The following RALGPS1 variants were observed in gnomAD, a reference collection of about 807,000 sequenced individuals.
RALGPS1 encodes the protein Ral GEF with PH domain and SH3 binding motif 1, also known as ras-specific guanine nucleotide-releasing factor RalGPS1.
RALGPS1 carries 19 observed loss-of-function variants against 78.8 expected under a neutral mutation model. The observed-to-expected ratio is 0.24, with a 90% CI of 0.17 to 0.35. The LOEUF (loss-of-function observed/expected upper bound fraction) is 0.35, where lower values mean the gene tolerates loss of function less well. Ranked by LOEUF, RALGPS1 falls within the 10% of genes least tolerant of loss-of-function variation. The pLI is 1.00. For missense variants in RALGPS1, 454 were observed against 688.3 expected, an observed-to-expected ratio of 0.66 and a Z score of 3.81; for synonymous variants, 228 against 256.3, an observed-to-expected ratio of 0.89 and a Z score of 1.06.
chr9:127,120,461 C>T (rs1335105544), intron 8 of RALGPS1, among the ~76,000 whole-genome samples: 2 of 152,184 alleles, frequency 1.3e-5, no homozygotes, highest in South Asian at 2.1e-4. Flanking sequence ...TGATAGTAGC[C>T]ACAGTATTAT....
intron 4 of RALGPS1, among the ~76,000 whole-genome samples, chr9:127,027,703 A>G (rs1589101009): frequency 6.6e-6 from 1 of 152,176 alleles, no homozygotes; most frequent in Non-Finnish European, 1.5e-5. Flanking sequence ...TTTACTGCCT[A>G]AAAGAACCAA....
intron 5 of RALGPS1, among the ~76,000 whole-genome samples, chr9:127,047,154 T>C (rs1457195123): frequency 6.6e-6 from 1 of 152,134 alleles, no homozygotes; most frequent in Non-Finnish European, 1.5e-5. Context: ...TTTACATGAA[T>C]TTATCTGAGG....
At chr9:127,097,460 C>G (rs563678668) in intron 8 of RALGPS1, among the ~76,000 whole-genome samples, 2 of 152,364 alleles carry the variant, frequency 1.3e-5, no homozygotes, top group Admixed American at 1.3e-4. Flanking sequence ...AACACAATTT[C>G]CCTTAGAACC....
At chr9:126,917,932 C>T (rs2034342812) in intron 1 of RALGPS1, among the ~76,000 whole-genome samples, 1 of 152,178 alleles carries the variant, frequency 6.6e-6, no homozygotes, top group African/African-American at 2.4e-5. Context: ...ATCTTTTCTT[C>T]AAAGGCAGGA....
chr9:126,918,257 T>A lies in RALGPS1; in HGVS notation c.-66+3282T>A, dbSNP rs74445268. ...TTCATTCAATTTTTGTTCGTAAACA[T>A]ACATAATTCTTCATGGTTGCAATCG... On this transcript the variant is annotated intron_variant, in intron 1 of 18. Coordinates refer to ENST00000259351, the MANE Select transcript of RALGPS1 (RefSeq NM_014636.3). Among the ~76,000 whole-genome samples, 1,224 of 152,358 alleles carry A rather than the reference T, an allele frequency of 8.0e-3. 24 individuals are homozygous for A. Among genetic ancestry groups the A allele is most frequent in the African/African-American group, 0.028 (1,157 of 41,576 alleles).
intron 8 of RALGPS1, chr9:127,093,706 GCA>G (rs2052760146): frequency 1.2e-6 from 2 of 1,611,838 alleles, no homozygotes; most frequent in South Asian, 2.2e-5. Context: ...CTTGTGGGCA[GCA>G]CAGACATCCC....
intron 1 of RALGPS1, among the ~76,000 whole-genome samples, chr9:126,940,730 G>T (rs779603362): frequency 1.5e-4 from 23 of 152,128 alleles, no homozygotes; most frequent in Non-Finnish European, 2.2e-4. Flanking sequence ...AGTGCATCTT[G>T]TCTCTTGCTT....
intron 7 of RALGPS1, among the ~76,000 whole-genome samples, chr9:127,059,188 GA>G (rs2135564627): frequency 6.6e-6 from 1 of 152,294 alleles, no homozygotes; most frequent in South Asian, 2.1e-4. Flanking sequence ...TGCCCCCTTT[GA>G]CTGATGCAGT....
rs143268459 is a variant in RALGPS1 at position 127,091,407 on chromosome 9, G to C, written c.610+22051G>C. On this transcript the variant is annotated intron_variant, in intron 8 of 18. Coordinates refer to ENST00000259351, the MANE Select transcript of RALGPS1 (RefSeq NM_014636.3). This position sits in a 1 kb window ranked among gnomAD's most constrained non-coding sequence, Gnocchi z 4.3. ...CATTGGCCCCAGCTGGCCCTGGTAC[G>C]TGTGATTTGTATACCTCTTTATGTC... Among the ~76,000 whole-genome samples, 1 of 152,150 alleles carries C rather than the reference G, an allele frequency of 6.6e-6. No homozygotes were observed. The highest frequency in any genetic ancestry group is 1.5e-5 in the Non-Finnish European group (1 of 68,030).
At chr9:127,085,723 G>A (rs532640808) in intron 8 of RALGPS1, among the ~76,000 whole-genome samples, 1 of 152,256 alleles carries the variant, frequency 6.6e-6, no homozygotes, top group East Asian at 1.9e-4. Flanking sequence ...GTCCAGCAAT[G>A]GCTTTCCAGA....
chr9:127,034,586 C>T, intron 5 of RALGPS1, 72 bp downstream of exon 5: 1 of 1,367,428 alleles, frequency 7.3e-7, no homozygotes, highest in South Asian at 1.2e-5. Context: ...TGCGAGCCCC[C>T]ACCCAAAGCT....
At chr9:127,103,471 T>C (rs926959216) in intron 8 of RALGPS1, among the ~76,000 whole-genome samples, 1 of 152,226 alleles carries the variant, frequency 6.6e-6, no homozygotes, top group Non-Finnish European at 1.5e-5. Context: ...CTTAGCTATA[T>C]GTTGAAAGAC....
chr9:127,191,700 GT>G (rs11375987), intron 11 of RALGPS1, among the ~76,000 whole-genome samples: 40 of 125,514 alleles, frequency 3.2e-4, no homozygotes, highest in Non-Finnish European at 4.2e-4. Flanking sequence ...GTTTTTTTTT[GT>G]TTTTTTTTTT....
intron 1 of RALGPS1, among the ~76,000 whole-genome samples, chr9:126,935,813 G>C (rs542374990): frequency 6.6e-6 from 1 of 152,382 alleles, no homozygotes; most frequent in South Asian, 2.1e-4. Context: ...AAGTGGCAGA[G>C]TTGGACTGGA....
At chr9:127,074,760 G>C (rs943164230) in intron 8 of RALGPS1, among the ~76,000 whole-genome samples, 6 of 152,224 alleles carry the variant, frequency 3.9e-5, no homozygotes, top group Non-Finnish European at 8.8e-5. Flanking sequence ...CACATAACTG[G>C]AAAGTAACAG....
intron 8 of RALGPS1, among the ~76,000 whole-genome samples, chr9:127,114,979 T>C (rs2055244544): frequency 6.6e-6 from 1 of 152,180 alleles, no homozygotes. Context: ...TCCAAACCAG[T>C]TGGTAATCCA....
At chr9:126,973,367 C>G (rs1053889465) in intron 3 of RALGPS1, among the ~76,000 whole-genome samples, 1 of 152,080 alleles carries the variant, frequency 6.6e-6, no homozygotes, top group Admixed American at 6.6e-5. Context: ...AAGACACTCT[C>G]TCTAAAATAG....
intron 3 of RALGPS1, among the ~76,000 whole-genome samples, chr9:126,966,622 G>T (rs547508832): frequency 1.5e-4 from 23 of 151,298 alleles, no homozygotes; most frequent in South Asian, 6.3e-4. Flanking sequence ...TAAATGTCTG[G>T]ATCTATATAG....
At chr9:126,978,158 C>T (rs993982035) in intron 4 of RALGPS1, 6 of 156,580 alleles carry the variant, frequency 3.8e-5, no homozygotes, top group Non-Finnish European at 7.0e-5. Context: ...AACCAGTTGC[C>T]GAAGCAAACA....
Sources: gnomAD v4.1 joint callset for allele counts (sites outside exome capture counted in the v4.1 genomes callset) on GRCh38, gnomAD v4.1.1 for gene constraint, Gnocchi (gnomAD v3.1) non-coding constraint, MANE v1.5 for transcripts, NCBI Gene and HGNC (gene_info 2026-07-23, HGNC 2026-07-21) for gene names.